The following AOPEP variants were observed in gnomAD, a reference collection of about 807,000 sequenced individuals.
AOPEP encodes aminopeptidase O.
Under a neutral mutation model 98.1 loss-of-function variants are expected in AOPEP, and 77 were observed. The ratio of observed to expected loss-of-function variants is 0.78; its 90% confidence interval spans 0.65 to 0.95. The LOEUF is 0.95. AOPEP is among the 40% of genes least tolerant of loss of function. The pLI, the probability that AOPEP is intolerant of heterozygous loss-of-function variation, is 0.00. For synonymous variants in AOPEP, 346 were observed against 365.3 expected (o/e 0.95, Z 0.60); for missense variants, 1,024 against 1,024.7 (o/e 1.00, Z 0.01).
chr9:94,916,897 G>A (rs1328745154), intron 5 of AOPEP, among the ~76,000 whole-genome samples: 4 of 152,244 alleles, frequency 2.6e-5, no homozygotes, highest in Admixed American at 2.0e-4. Flanking sequence ...TGAGATTCTG[G>A]AATGTTTAAG....
chr9:94,793,042 A>G, intron 4 of AOPEP, 124 bp downstream of exon 4: 1 of 1,120,796 alleles, frequency 8.9e-7, no homozygotes, highest in South Asian at 1.6e-5. Flanking sequence ...CCAAAATAGG[A>G]TTAATCAAAG....
At chr9:94,743,657 T>C (rs987878120) in intron 1 of AOPEP, among the ~76,000 whole-genome samples, 2 of 151,938 alleles carry the variant, frequency 1.3e-5, no homozygotes, top group Non-Finnish European at 2.9e-5. Context: ...GGAAAATCAA[T>C]GAGGGAGGAG....
At chr9:94,997,596 T>A (rs557280977) in intron 11 of AOPEP, among the ~76,000 whole-genome samples, 1 of 152,202 alleles carries the variant, frequency 6.6e-6, no homozygotes, top group Admixed American at 6.5e-5. Context: ...CACCTGGGCA[T>A]TGAGATTTGT....
intron 5 of AOPEP, among the ~76,000 whole-genome samples, chr9:94,839,684 A>T (rs1433765152): frequency 7.9e-5 from 12 of 152,062 alleles, no homozygotes. Context: ...AATCTATATG[A>T]CTTTTTCTTT....
chr9:94,968,400 G>A (rs748747742), intron 10 of AOPEP, among the ~76,000 whole-genome samples: 2 of 151,858 alleles, frequency 1.3e-5, no homozygotes, highest in East Asian at 1.9e-4. Context: ...AGGCATCCAC[G>A]ATGCCTAATT....
At chr9:94,918,718 A>T (rs1245917852) in intron 5 of AOPEP, among the ~76,000 whole-genome samples, 2 of 152,272 alleles carry the variant, frequency 1.3e-5, no homozygotes, top group African/African-American at 2.4e-5. Context: ...GAGCAATGAG[A>T]TGGCATGTGT....
intron 5 of AOPEP, among the ~76,000 whole-genome samples, chr9:94,863,802 A>G (rs1285893836): frequency 6.6e-6 from 1 of 152,242 alleles, no homozygotes; most frequent in Non-Finnish European, 1.5e-5. Flanking sequence ...TGCACATTGT[A>G]GGCAGCAGGA....
intron 13 of AOPEP, among the ~76,000 whole-genome samples, chr9:95,034,354 CT>C (rs1280007983): frequency 6.6e-6 from 1 of 152,164 alleles, no homozygotes; most frequent in Admixed American, 6.5e-5. Flanking sequence ...CCATTTTCTC[CT>C]TCCTTGCAAT....
At chr9:94,988,533 A>G (rs1274753483) in intron 11 of AOPEP, among the ~76,000 whole-genome samples, 2 of 152,346 alleles carry the variant, frequency 1.3e-5, no homozygotes, top group East Asian at 3.9e-4. Context: ...AATATTTGCT[A>G]GGTATATGAA....
At chr9:94,961,349 T>G (rs1007422651) in intron 9 of AOPEP, among the ~76,000 whole-genome samples, 5 of 152,228 alleles carry the variant, frequency 3.3e-5, no homozygotes. Context: ...CTTTCCTCTT[T>G]CAATAAGTAT....
chr9:94,956,024 TG>T lies in AOPEP; in HGVS notation c.1872+12del. On this transcript the variant is annotated intron_variant, in intron 9 of 16. Transcript: ENST00000375315. Reference sequence around the variant, plus strand: ...AGCTGATTCTTTCCCAGGTAACTTATGGGTCCTCATGAGTCCATGATGTATG... The same window carrying T: ...AGCTGATTCTTTCCCAGGTAACTTATGGTCCTCATGAGTCCATGATGTATG... 6.5e-7 allele frequency: 1 copy of T among 1,531,504 alleles called. No homozygotes were observed. Among genetic ancestry groups the T allele is most frequent in the Non-Finnish European group, 9.0e-7 (1 of 1,105,436 alleles). The allele number at this position is 1,531,504 out of a possible 1,614,324, so 94.9% of individuals were successfully genotyped here.
At chr9:94,881,083 A>G (rs1454311593) in intron 5 of AOPEP, among the ~76,000 whole-genome samples, 1 of 152,194 alleles carries the variant, frequency 6.6e-6, no homozygotes, top group Non-Finnish European at 1.5e-5. Context: ...AGGCAGGAGA[A>G]AATTTCATAA....
intron 5 of AOPEP, among the ~76,000 whole-genome samples, chr9:94,807,202 A>G (rs1050690804): frequency 3.3e-5 from 5 of 152,200 alleles, no homozygotes. Context: ...GGCAGAGTGA[A>G]CTCACAGCTT....
At chr9:94,874,878 A>G (rs2046741834) in intron 5 of AOPEP, among the ~76,000 whole-genome samples, 1 of 152,212 alleles carries the variant, frequency 6.6e-6, no homozygotes, top group South Asian at 2.1e-4. Context: ...TGACATTTTA[A>G]TCAGTATTTC....
At chr9:95,123,833 G>C in the AOPEP span, 1 of 660,378 alleles carries the variant, frequency 1.5e-6, no homozygotes, top group East Asian at 3.0e-5. Flanking sequence ...TAGACCTGCG[G>C]ATGCTGCCCC....
chr9:94,889,432 C>T (rs1036166101), intron 5 of AOPEP, among the ~76,000 whole-genome samples: 2 of 152,062 alleles, frequency 1.3e-5, no homozygotes, highest in African/African-American at 4.8e-5. Context: ...GACAATTTTC[C>T]CTATTTGGAT....
intron 5 of AOPEP, among the ~76,000 whole-genome samples, chr9:94,860,822 C>A (rs1397093455): frequency 1.3e-5 from 2 of 152,156 alleles, no homozygotes; most frequent in Admixed American, 6.5e-5. Context: ...CAGTGCCTGA[C>A]ACAGAGCACA....
At chr9:95,132,776 G>C in the AOPEP span, among the ~76,000 whole-genome samples, 1 of 152,116 alleles carries the variant, frequency 6.6e-6, no homozygotes, top group Non-Finnish European at 1.5e-5. Flanking sequence ...TCAGACCTGC[G>C]AGTCCAAGAG....
intron 13 of AOPEP, among the ~76,000 whole-genome samples, chr9:95,032,100 G>A (rs1285124777): frequency 6.6e-6 from 1 of 152,202 alleles, no homozygotes; most frequent in Non-Finnish European, 1.5e-5. Context: ...CAAACTAACT[G>A]GGGGGCCCTG....
Sources: gnomAD v4.1 joint callset for allele counts (sites outside exome capture counted in the v4.1 genomes callset) on GRCh38, gnomAD v4.1.1 for gene constraint, MANE v1.5 for transcripts, NCBI Gene and HGNC (gene_info 2026-07-23, HGNC 2026-07-21) for gene names.